RGS6: variants seen among roughly 807,000 people sequenced by gnomAD.
RGS6 encodes the protein regulator of G protein signaling 6.
In RGS6, 30 loss-of-function variants were observed where a neutral mutation model predicts 78.5. That is an observed-to-expected ratio of 0.38 (90% CI 0.29 to 0.52). The LOEUF is 0.52. Among genes scored for constraint, RGS6 ranks in the 20% least tolerant of loss-of-function variants. The probability of loss-of-function intolerance (pLI) is 0.85; values close to 1 mark genes in which losing one functional copy is unlikely to be tolerated. For missense variants in RGS6, 495 were observed against 609.7 expected (o/e 0.81, Z 1.98); for synonymous variants, 206 against 206.0 (o/e 1.00, Z 0.00).
chr14:72,529,012 T>G (rs2153480899), intron 15 of RGS6, among the ~76,000 whole-genome samples: 1 of 152,366 alleles, frequency 6.6e-6, no homozygotes, highest in Non-Finnish European at 1.5e-5. Flanking sequence ...TTAATTCTCA[T>G]TCCCAGAAAA....
intron 2 of RGS6, among the ~76,000 whole-genome samples, chr14:72,004,516 C>T (rs1298930915): frequency 6.6e-6 from 1 of 152,128 alleles, no homozygotes; most frequent in Non-Finnish European, 1.5e-5. Flanking sequence ...TGCTATTGCT[C>T]AGTAATGGTG....
intron 1 of RGS6, among the ~76,000 whole-genome samples, chr14:71,936,950 A>G (rs543633493): frequency 5.8e-4 from 89 of 152,206 alleles, no homozygotes; most frequent in African/African-American, 2.0e-3. Context: ...TGGTGGAGTG[A>G]CCCAAACCTT....
rs527307554 is a variant in RGS6, at chr14:72,388,443, T to C, written c.184+36249T>C. Among the ~76,000 whole-genome samples, 20 of 152,344 alleles carry C rather than the reference T, an allele frequency of 1.3e-4. 1 individual carries two copies. The South Asian group carries it at 4.1e-3, about 32-fold the overall frequency. ...AGTGCAATAACTAATACAGCCATCA[T>C]ACACAGCTGTGCAAGAGTTAACATT... On this transcript the variant is annotated intron_variant, in intron 3 of 17. Coordinates refer to ENST00000553525, the MANE Select transcript of RGS6 (RefSeq NM_001204424.2).
chr14:71,966,665 G>A (rs574074083), intron 2 of RGS6, among the ~76,000 whole-genome samples: 5 of 152,320 alleles, frequency 3.3e-5, no homozygotes, highest in African/African-American at 7.2e-5. Flanking sequence ...TGGGAGGAAG[G>A]TAATTGTGAA....
intron 2 of RGS6, among the ~76,000 whole-genome samples, chr14:71,996,820 A>C (rs72735956): frequency 0.17 from 25,246 of 152,050 alleles, 2,164 homozygotes; most frequent in Admixed American, 0.21. Context: ...ATGATGACGA[A>C]GGATGGTACA....
At chr14:72,466,684 G>T (rs2095923080) in intron 7 of RGS6, among the ~76,000 whole-genome samples, 2 of 152,326 alleles carry the variant, frequency 1.3e-5, no homozygotes, top group African/African-American at 4.8e-5. Context: ...AAACTATCAT[G>T]ATGAAAAGCA....
At chr14:72,316,491 G>A (rs948499389) in intron 2 of RGS6, among the ~76,000 whole-genome samples, 8 of 152,154 alleles carry the variant, frequency 5.3e-5, no homozygotes, top group Non-Finnish European at 8.8e-5. Flanking sequence ...GCGGTGTTTG[G>A]TTTTCTGTCC....
intron 2 of RGS6, among the ~76,000 whole-genome samples, chr14:72,182,626 C>G (rs1051114337): frequency 6.6e-6 from 1 of 151,974 alleles, no homozygotes; most frequent in Non-Finnish European, 1.5e-5. Context: ...CTGTCCATAC[C>G]GAAAGTCAAG....
At chr14:72,621,345 C>T in the RGS6 span, among the ~76,000 whole-genome samples, 1 of 152,120 alleles carries the variant, frequency 6.6e-6, no homozygotes, top group East Asian at 1.9e-4. Context: ...GGCCCCACCC[C>T]CTAGTTTCAG....
chr14:71,962,167 G>A (rs1027728145), intron 1 of RGS6, among the ~76,000 whole-genome samples: 1 of 152,166 alleles, frequency 6.6e-6, no homozygotes, highest in African/African-American at 2.4e-5. Flanking sequence ...TACTGAATAC[G>A]AGGCTTACTA....
intron 3 of RGS6, among the ~76,000 whole-genome samples, chr14:72,392,216 T>C (rs1296198679): frequency 6.6e-6 from 1 of 151,754 alleles, no homozygotes; most frequent in Non-Finnish European, 1.5e-5. Context: ...GTCACAAGGA[T>C]TTGACCTTAT....
chr14:72,215,451 AT>A (rs1029537329), intron 2 of RGS6, among the ~76,000 whole-genome samples: 2 of 151,990 alleles, frequency 1.3e-5, no homozygotes, highest in African/African-American at 2.4e-5. Context: ...CAGCAAGGCC[AT>A]TTTTTTTACT....
At chr14:72,355,360 A>AT (rs1311731363) in intron 3 of RGS6, among the ~76,000 whole-genome samples, 9 of 151,826 alleles carry the variant, frequency 5.9e-5, no homozygotes, top group Non-Finnish European at 1.5e-5. Flanking sequence ...CACCTGGCTA[A>AT]TTTTTTGTAT....
At chr14:72,436,140 C>T (rs539426216) in intron 3 of RGS6, among the ~76,000 whole-genome samples, 27 of 152,184 alleles carry the variant, frequency 1.8e-4, no homozygotes, top group African/African-American at 6.3e-4. Flanking sequence ...GGTGGCCTTG[C>T]GGATGGAAGT....
intron 2 of RGS6, among the ~76,000 whole-genome samples, chr14:72,169,707 G>A (rs2096983141): frequency 6.6e-6 from 1 of 152,156 alleles, no homozygotes; most frequent in Non-Finnish European, 1.5e-5. Flanking sequence ...AGATGGCTGT[G>A]GCCATGTGAC....
At chr14:72,099,360 C>T (rs1402380167) in intron 2 of RGS6, among the ~76,000 whole-genome samples, 2 of 152,178 alleles carry the variant, frequency 1.3e-5, no homozygotes, top group East Asian at 1.9e-4. Flanking sequence ...GGGGTTTCAC[C>T]GTGTTAGCCA....
At chr14:72,332,744 G>C (rs1460518157) in intron 2 of RGS6, among the ~76,000 whole-genome samples, 2 of 152,208 alleles carry the variant, frequency 1.3e-5, no homozygotes, top group Non-Finnish European at 1.5e-5. Context: ...ACCAAGGAGA[G>C]GGTGGGGGCT....
chr14:72,130,082 C>T (rs763139886), intron 2 of RGS6, among the ~76,000 whole-genome samples: 1 of 152,150 alleles, frequency 6.6e-6, no homozygotes, highest in Admixed American at 6.5e-5. Context: ...GTTGGGAGAA[C>T]CCCCAGGTTT....
intron 2 of RGS6, among the ~76,000 whole-genome samples, chr14:72,100,029 TAAGA>T (rs2095495586): frequency 6.6e-6 from 1 of 152,030 alleles, no homozygotes; most frequent in African/African-American, 2.4e-5. Context: ...AGCACAGTAG[TAAGA>T]GTCAGGAAAA....
Sources: gnomAD v4.1 joint callset for allele counts (sites outside exome capture counted in the v4.1 genomes callset) on GRCh38, gnomAD v4.1.1 for gene constraint, MANE v1.5 for transcripts, NCBI Gene and HGNC (gene_info 2026-07-23, HGNC 2026-07-21) for gene names.